SLC31A1: variants seen among roughly 807,000 people sequenced by gnomAD.
SLC31A1 encodes the protein solute carrier family 31 member 1, also known as high affinity copper uptake protein 1.
Under a neutral mutation model 17.2 loss-of-function variants are expected in SLC31A1, and 5 were observed. The ratio of observed to expected loss-of-function variants is 0.29; its 90% CI spans 0.15 to 0.61. SLC31A1 has a LOEUF of 0.61. Among genes scored for constraint, SLC31A1 ranks in the 20% least tolerant of loss-of-function variants. SLC31A1 has a pLI of 0.86. For missense variants in SLC31A1, 161 were observed against 241.4 expected (o/e 0.67, Z 2.21); for synonymous variants, 76 against 78.8 (o/e 0.96, Z 0.19).
chr9:113,231,295 G>T (rs1200683931), intron 1 of SLC31A1, among the ~76,000 whole-genome samples: 2 of 152,128 alleles, frequency 1.3e-5, no homozygotes, highest in African/African-American at 4.8e-5. Flanking sequence ...CGGGTACGGT[G>T]GCTTACACCT....
intron 1 of SLC31A1, among the ~76,000 whole-genome samples, chr9:113,231,165 G>T (rs772601511): frequency 6.6e-6 from 1 of 152,120 alleles, no homozygotes; most frequent in African/African-American, 2.4e-5. Flanking sequence ...AAGGACAAGA[G>T]ACCAAGTAAA....
chr9:113,238,528 G>A (rs1490751639), intron 1 of SLC31A1, among the ~76,000 whole-genome samples: 2 of 152,184 alleles, frequency 1.3e-5, no homozygotes, highest in Non-Finnish European at 2.9e-5. Context: ...TTGAGGGGCC[G>A]AGGCAGGTGG....
In SLC31A1 at chr9:113,258,230, G is replaced by A. The variant is rs1321997601; in HGVS notation, c.203-464G>A. The stretch of plus-strand genomic sequence containing the variant: ...TCAATTTGTTTTGGGAAGAAGGAGA[G>A]CATTTAGTTCAGGTAATGTGTTAAA... On this transcript the variant is annotated intron_variant, in intron 3 of 4. Transcript: ENST00000374212. The surrounding 1 kb of genome is among the most constrained non-coding windows in gnomAD (Gnocchi z 4.8). Among the ~76,000 whole-genome samples the A allele has an allele frequency of 6.6e-6, 1 of 152,180 alleles. No homozygotes were observed. Among genetic ancestry groups the A allele is most frequent in the African/African-American group, 2.4e-5 (1 of 41,444 alleles).
At chr9:113,259,587 T>C (rs550971759) in intron 4 of SLC31A1, among the ~76,000 whole-genome samples, 33 of 148,936 alleles carry the variant, frequency 2.2e-4, no homozygotes, top group Admixed American at 1.4e-3. Flanking sequence ...TTCTTTCTTT[T>C]TTTTTTTTTT....
chr9:113,243,575 T>C (rs1276946429), intron 1 of SLC31A1, among the ~76,000 whole-genome samples: 1 of 90,808 alleles, frequency 1.1e-5, no homozygotes, highest in Non-Finnish European at 2.1e-5. Context: ...TCCTTCTTTT[T>C]AAGAGATGTG....
At chr9:113,236,136 C>T (rs1477759068) in intron 1 of SLC31A1, among the ~76,000 whole-genome samples, 5 of 151,962 alleles carry the variant, frequency 3.3e-5, no homozygotes, top group Non-Finnish European at 7.4e-5. Flanking sequence ...TACAGGTGCA[C>T]GCCACCAAAC....
chr9:113,234,947 A>G (rs1046177180), intron 1 of SLC31A1, among the ~76,000 whole-genome samples: 9 of 152,196 alleles, frequency 5.9e-5, no homozygotes, highest in African/African-American at 1.9e-4. Context: ...AGTTTTAAGG[A>G]TGGCAGTGCC....
intron 1 of SLC31A1, among the ~76,000 whole-genome samples, chr9:113,250,793 G>A (rs562319636): frequency 2.0e-5 from 3 of 151,956 alleles, no homozygotes; most frequent in Non-Finnish European, 4.4e-5. Context: ...TGTAATGGTG[G>A]TGAGAACTGG....
intron 1 of SLC31A1, among the ~76,000 whole-genome samples, chr9:113,248,310 AC>A (rs777378708): frequency 1.3e-5 from 2 of 151,694 alleles, no homozygotes; most frequent in Non-Finnish European, 2.9e-5. Flanking sequence ...GGTGACAGAG[AC>A]TCTGTCTCAA....
intron 1 of SLC31A1, among the ~76,000 whole-genome samples, chr9:113,243,075 C>CTT (rs59271432): frequency 7.2e-6 from 1 of 139,734 alleles, no homozygotes; most frequent in African/African-American, 2.6e-5. Context: ...ATACTCTAGG[C>CTT]TTTTTTTTTT....
intron 1 of SLC31A1, chr9:113,223,379 A>C (rs1056162820): frequency 5.7e-6 from 2 of 352,364 alleles, no homozygotes; most frequent in Non-Finnish European, 1.1e-5. Context: ...GTATCTTCAG[A>C]TTGGTAATAC....
At chr9:113,256,416 T>A in intron 2 of SLC31A1, 139 bp downstream of exon 2, 1 of 916,356 alleles carries the variant, frequency 1.1e-6, no homozygotes, top group Non-Finnish European at 1.6e-6. Flanking sequence ...CCCAAGCAAG[T>A]CAAGTCATTT....
chr9:113,246,469 A>C (rs531365228), intron 1 of SLC31A1, among the ~76,000 whole-genome samples: 1 of 150,918 alleles, frequency 6.6e-6, no homozygotes, highest in African/African-American at 2.4e-5. Flanking sequence ...TTCCTGCCTC[A>C]GCCTCCTGAG....
intron 1 of SLC31A1, chr9:113,223,086 A>G (rs1319152420): frequency 4.7e-6 from 1 of 211,254 alleles, no homozygotes; most frequent in East Asian, 1.4e-4. Flanking sequence ...GGCCAAGGGA[A>G]TATTTGAACT....
At chr9:113,254,164 G>A (rs932328166) in intron 1 of SLC31A1, among the ~76,000 whole-genome samples, 5 of 151,804 alleles carry the variant, frequency 3.3e-5, no homozygotes, top group Non-Finnish European at 7.4e-5. Context: ...ATGTTGGCCA[G>A]GCTGGTCTCG....
chr9:113,252,389 G>A (rs1040130850), intron 1 of SLC31A1, among the ~76,000 whole-genome samples: 7 of 152,212 alleles, frequency 4.6e-5, no homozygotes, highest in Non-Finnish European at 7.4e-5. Flanking sequence ...TCCGCCTCCC[G>A]GGTTCAAGCG....
At chr9:113,254,864 A>C (rs1831703435) in intron 1 of SLC31A1, among the ~76,000 whole-genome samples, 1 of 152,110 alleles carries the variant, frequency 6.6e-6, no homozygotes, top group Non-Finnish European at 1.5e-5. Context: ...ACACCACTGC[A>C]CTCCAGCCTG....
intron 1 of SLC31A1, among the ~76,000 whole-genome samples, chr9:113,226,109 C>A (rs1433879829): frequency 2.0e-5 from 3 of 150,698 alleles, no homozygotes; most frequent in African/African-American, 7.3e-5. Flanking sequence ...GTGCGCCAAC[C>A]TGGGCGACAG....
At chr9:113,234,001 A>G (rs1831427175) in intron 1 of SLC31A1, among the ~76,000 whole-genome samples, 1 of 152,122 alleles carries the variant, frequency 6.6e-6, no homozygotes, top group African/African-American at 2.4e-5. Flanking sequence ...GTCAAACACT[A>G]GAACTTACTC....
Sources: allele counts gnomAD v4.1 joint callset (sites outside exome capture counted in the v4.1 genomes callset), GRCh38; gene constraint gnomAD v4.1.1; non-coding constraint Gnocchi (gnomAD v3.1); transcripts MANE v1.5; gene names NCBI Gene and HGNC (gene_info 2026-07-23, HGNC 2026-07-21).